The following BEND2 variants were observed in gnomAD, a reference collection of about 807,000 sequenced individuals.
BEND2 encodes BEN domain-containing protein 2.
Under a neutral mutation model 43.8 loss-of-function variants are expected in BEND2, and 19 were observed. The observed-to-expected ratio is 0.43, with a 90% CI of 0.30 to 0.64. BEND2 has a LOEUF of 0.64. Among genes scored for constraint, BEND2 ranks in the 30% least tolerant of loss-of-function variants. The probability of loss-of-function intolerance (pLI) is 0.11; values close to 1 mark genes in which losing one functional copy is unlikely to be tolerated. For synonymous variants in BEND2, 226 were observed against 210.1 expected, an observed-to-expected ratio of 1.08 and a Z score of -0.66; for missense variants, 544 against 574.0, an observed-to-expected ratio of 0.95 and a Z score of 0.53.
chrX:18,165,206 A>G lies in BEND2; in HGVS notation c.2203T>C (p.Tyr735His). 8.3e-7 allele frequency: 1 copy of G among 1,208,206 alleles called. No homozygotes were observed. Among genetic ancestry groups the G allele is most frequent in the Non-Finnish European group, 1.1e-6 (1 of 893,135 alleles). Residue 735 changes from tyrosine (Y) to histidine (H), a missense_variant, in exon 14 of 14, where the codon TAC becomes CAC. Tyr to His is a moderately conservative substitution (Grantham distance 83). This residue lies in a region of BEND2 where 43 missense variants were observed against 72.4 expected (regional missense o/e 0.59). Coordinates refer to ENST00000380033, the MANE Select transcript of BEND2 (RefSeq NM_153346.5). ...TTTTCCGAGAGATCACAAATTGGGT[A>G]GTTTTCTTGGAGGAACTCTGATGGT... is the stretch of plus-strand genomic sequence containing the variant. Reference protein sequence around the residue: ...SALREFLQENYPICDLSENGR... With the variant: ...SALREFLQENHPICDLSENGR...
intron 6 of BEND2, among the ~76,000 whole-genome samples, chrX:18,198,593 C>T (rs1208649464): frequency 1.8e-5 from 2 of 111,674 alleles, no homozygotes; most frequent in African/African-American, 6.5e-5. Context: ...AACACTTTTA[C>T]ACTGGTGGTG....
chrX:18,181,260 G>C (rs969398373), intron 8 of BEND2, among the ~76,000 whole-genome samples: 2 of 111,022 alleles, frequency 1.8e-5, no homozygotes, highest in African/African-American at 6.5e-5. Context: ...AATTGCAGGG[G>C]TTTTTTTAGG....
At chrX:18,173,684 C>T (rs181933469) in intron 12 of BEND2, among the ~76,000 whole-genome samples, 294 of 111,482 alleles carry the variant, frequency 2.6e-3, no homozygotes, top group Non-Finnish European at 4.4e-3. Flanking sequence ...AATCCTACTG[C>T]GCACCTGCAA....
intron 1 of BEND2, among the ~76,000 whole-genome samples, chrX:18,220,291 C>A (rs1336564003): frequency 8.9e-6 from 1 of 112,447 alleles, no homozygotes; most frequent in African/African-American, 3.2e-5. Flanking sequence ...ATCTGTATCG[C>A]CGGAGCCCGG....
intron 5 of BEND2, 112 bp downstream of exon 5, chrX:18,203,389 C>T (rs1925227971): frequency 1.1e-6 from 1 of 895,060 alleles, no homozygotes; most frequent in Non-Finnish European, 1.6e-6. Context: ...TCTATAATGG[C>T]TTCAAGATAA....
At chrX:18,202,070 G>T (rs1925184780) in intron 5 of BEND2, 130 bp from the exon 6 acceptor site, 1 of 645,631 alleles carries the variant, frequency 1.5e-6, no homozygotes, top group East Asian at 4.1e-5. Context: ...AAAAGAATTT[G>T]TCCCCAGCAG....
At chrX:18,168,813 G>A (rs1469037345) in intron 13 of BEND2, among the ~76,000 whole-genome samples, 2 of 111,635 alleles carry the variant, frequency 1.8e-5, no homozygotes, top group Non-Finnish European at 3.8e-5. Context: ...CAAAATATTA[G>A]GGTAAGAAAC....
intron 5 of BEND2, among the ~76,000 whole-genome samples, chrX:18,203,034 C>CT (rs773377957): frequency 9.0e-6 from 1 of 111,580 alleles, no homozygotes; most frequent in East Asian, 2.8e-4. Flanking sequence ...AGGTTACATA[C>CT]TATATGCATC....
chrX:18,211,574 G>A (rs1160277716), intron 4 of BEND2, among the ~76,000 whole-genome samples: 1 of 111,819 alleles, frequency 8.9e-6, no homozygotes, highest in Admixed American at 9.5e-5. Flanking sequence ...CCTGAGGTCA[G>A]GAGTTTGACA....
intron 8 of BEND2, among the ~76,000 whole-genome samples, chrX:18,186,702 T>C (rs1924584401): frequency 9.1e-6 from 1 of 110,173 alleles, no homozygotes; most frequent in African/African-American, 3.3e-5. Flanking sequence ...GGTTTATGCC[T>C]GTAATTCCAG....
intron 6 of BEND2, among the ~76,000 whole-genome samples, chrX:18,195,705 C>T (rs1367943323): frequency 9.1e-6 from 1 of 109,294 alleles, no homozygotes; most frequent in Non-Finnish European, 1.9e-5. Context: ...ACATGAGACC[C>T]CACCTCTACA....
At chrX:18,201,737 C>CTGT in intron 6 of BEND2, 78 bp downstream of exon 6, 1 of 1,046,536 alleles carries the variant, frequency 9.6e-7, no homozygotes, top group African/African-American at 1.9e-5. Flanking sequence ...AGGTGATGCA[C>CTGT]CCGCCTCACC....
chrX:18,176,136 TTAAC>T (rs1303857398), intron 10 of BEND2, 43 bp from the exon 11 acceptor site: 2 of 1,145,176 alleles, frequency 1.7e-6, no homozygotes, highest in Non-Finnish European at 2.3e-6. Flanking sequence ...GAAAAAAAAA[TTAAC>T]AAACTAATGA....
chrX:18,176,734 A>G (rs1924174218), intron 10 of BEND2, among the ~76,000 whole-genome samples: 1 of 111,345 alleles, frequency 9.0e-6, no homozygotes, highest in Non-Finnish European at 1.9e-5. Flanking sequence ...GGGTGCTCAG[A>G]CCATTTAATA....
chrX:18,212,111 T>TTTC (rs1349631530), intron 4 of BEND2, among the ~76,000 whole-genome samples: 1 of 103,067 alleles, frequency 9.7e-6, no homozygotes, highest in African/African-American at 3.5e-5. Flanking sequence ...TTTTTTTTTT[T>TTTC]TGAGACAGAG....
chrX:18,191,204 C>A, intron 7 of BEND2, 96 bp from the exon 8 acceptor site: 1 of 639,544 alleles, frequency 1.6e-6, no homozygotes, highest in Non-Finnish European at 2.3e-6. Context: ...AACTATCCTT[C>A]AGGAATAAAA....
chrX:18,180,744 T>C lies in BEND2; in HGVS notation c.1289-94A>G, dbSNP rs796889966. 20 of 648,963 alleles carry C rather than the reference T, an allele frequency of 3.1e-5. No individual in the cohort carries two copies. In the South Asian group the frequency reaches 5.9e-4, roughly 19 times the overall value. 53.5% of individuals were successfully genotyped at this position (648,963 alleles called of 1,213,427 possible). A position where few individuals can be genotyped will look rare whatever the true frequency, so the allele number is the denominator to read the frequency against. ...AATACACTCTCAGACAAAAGAAAACTAAAAAGATTTGTTGCCAGCAGACCT... is the reference window on the plus strand; with the variant it reads ...AATACACTCTCAGACAAAAGAAAACCAAAAAGATTTGTTGCCAGCAGACCT... On this transcript the variant is annotated intron_variant, in intron 8 of 13. Coordinates refer to ENST00000380033, the MANE Select transcript of BEND2 (RefSeq NM_153346.5).
In BEND2 at chrX:18,181,664, C is replaced by T. The variant is rs934408932; in HGVS notation, c.1289-1014G>A. 5.4e-5 allele frequency among the ~76,000 whole-genome samples: 6 copies of T among 111,410 alleles called. No homozygotes were observed. In the Admixed American group the frequency reaches 5.7e-4, roughly 11 times the overall value. On this transcript the variant is annotated intron_variant, in intron 8 of 13. Transcript: ENST00000380033. The stretch of plus-strand genomic sequence containing the variant: ...GAATTAAAGTTTCAACACTTCATTC[C>T]AAATGGTAAAATGCTGATTCCAACA...
intron 13 of BEND2, among the ~76,000 whole-genome samples, chrX:18,166,050 G>A (rs1377233981): frequency 2.7e-5 from 3 of 112,215 alleles, no homozygotes; most frequent in Admixed American, 9.4e-5. Flanking sequence ...AAAGGCTTCC[G>A]TACCCAAAGG....
Sources: gnomAD v4.1 joint callset for allele counts (sites outside exome capture counted in the v4.1 genomes callset) on GRCh38, gnomAD v4.1.1 for gene constraint, gnomAD v4.1.1 regional missense constraint, MANE v1.5 for transcripts, NCBI Gene and HGNC (gene_info 2026-07-23, HGNC 2026-07-21) for gene names.